The following PRKAR1B variants were observed in gnomAD, a reference collection of about 807,000 sequenced individuals.
The protein encoded by PRKAR1B is protein kinase cAMP-dependent type I regulatory subunit beta.
A neutral mutation model predicts 46.5 loss-of-function variants in PRKAR1B; 22 were observed. The ratio of observed to expected loss-of-function variants is 0.47; its 90% confidence interval spans 0.34 to 0.68. PRKAR1B has a LOEUF of 0.68. PRKAR1B is among the 30% of genes least tolerant of loss of function. The pLI, the probability that PRKAR1B is intolerant of heterozygous loss-of-function variation, is 0.01. For synonymous variants in PRKAR1B, 259 were observed against 217.7 expected (o/e 1.19, Z -1.67); for missense variants, 445 against 535.6 (o/e 0.83, Z 1.67).
intron 2 of PRKAR1B, among the ~76,000 whole-genome samples, chr7:693,328 A>G (rs1779544027): frequency 6.6e-6 from 1 of 151,608 alleles, no homozygotes. Context: ...CCACGTCGAC[A>G]CATTCACCGT....
chr7:588,192 T>C (rs943209599), intron 7 of PRKAR1B, among the ~76,000 whole-genome samples: 5 of 152,114 alleles, frequency 3.3e-5, no homozygotes, highest in Non-Finnish European at 2.9e-5. Flanking sequence ...CCAACTTCCA[T>C]GATGGGGACA....
At position 727,269 on chromosome 7, in the gene PRKAR1B, C is replaced by T; in HGVS notation, c.-82G>A. ...TGCTCGACCCCTTCGCCGCCGTGCG[C>T]CGCGAGAGCTGCAGCTGCGCCGCCG... On this transcript the variant is annotated 5_prime_UTR_variant, in exon 1 of 11. Coordinates refer to ENST00000537384, the MANE Select transcript of PRKAR1B (RefSeq NM_001164760.2). The T allele has an allele frequency of 3.8e-6, 5 of 1,325,804 alleles. No individual in the cohort carries two copies. The South Asian group carries it at 5.9e-5, about 16-fold the overall frequency. 82.1% of individuals were successfully genotyped at this position (1,325,804 alleles called of 1,614,324 possible).
chr7:673,585 C>T (rs935508063), intron 4 of PRKAR1B, among the ~76,000 whole-genome samples: 1 of 150,878 alleles, frequency 6.6e-6, no homozygotes, highest in Non-Finnish European at 1.5e-5. Flanking sequence ...TGAGGCAGAG[C>T]TTGCAGTGAG....
chr7:596,166 TGTCCCGGTCGATCCCCCAGAGCTTGAG>T lies in PRKAR1B; in HGVS notation c.661_687del (p.Leu221_Asp229del). The T allele has an allele frequency of 6.2e-7, 1 of 1,613,798 alleles. No individual in the cohort carries two copies. Among genetic ancestry groups the T allele is most frequent in the Non-Finnish European group, 8.5e-7 (1 of 1,179,832 alleles). ...CTCACCATAAGGATGCGCCGGTAGCTGTCCCGGTCGATCCCCCAGAGCTTGAGGTCCGTCTTGGCTTTCACGGTCGCA... is the reference window on the plus strand; with the variant it reads ...CTCACCATAAGGATGCGCCGGTAGCTGTCCGTCTTGGCTTTCACGGTCGCA... On this transcript the variant is annotated inframe_deletion, in exon 7 of 11. Coordinates refer to ENST00000537384, the MANE Select transcript of PRKAR1B (RefSeq NM_001164760.2).
chr7:579,121 C>T, intron 9 of PRKAR1B, 135 bp downstream of exon 9: 2 of 1,553,990 alleles, frequency 1.3e-6, no homozygotes, highest in Non-Finnish European at 1.7e-6. Flanking sequence ...CCCATGGAGG[C>T]CCCGGACGGG....
chr7:589,301 C>T (rs1484923448), intron 7 of PRKAR1B, among the ~76,000 whole-genome samples: 1 of 151,906 alleles, frequency 6.6e-6, no homozygotes, highest in Non-Finnish European at 1.5e-5. Context: ...GGTGCCATGT[C>T]CACCTTGGTC....
chr7:614,050 C>T (rs958616222), intron 4 of PRKAR1B, among the ~76,000 whole-genome samples: 9 of 152,200 alleles, frequency 5.9e-5, no homozygotes, highest in African/African-American at 1.9e-4. Context: ...GGGCGGGAGG[C>T]GTGGCGCCCA....
At chr7:718,255 TACACACACACACACACAC>T (rs35563369) in intron 1 of PRKAR1B, among the ~76,000 whole-genome samples, 5 of 139,992 alleles carry the variant, frequency 3.6e-5, no homozygotes, top group Admixed American at 7.3e-5. Flanking sequence ...GCTTTATAGA[TACACACACACACACACAC>T]ACACACACAC....
At chr7:553,629 CTTCAT>C (rs1231540034) in intron 9 of PRKAR1B, among the ~76,000 whole-genome samples, 5 of 152,214 alleles carry the variant, frequency 3.3e-5, no homozygotes, top group Non-Finnish European at 2.9e-5. Flanking sequence ...AGAACAAACA[CTTCAT>C]TTCAAGGTGG....
intron 1 of PRKAR1B, among the ~76,000 whole-genome samples, chr7:720,050 C>A (rs200660219): frequency 1.1e-5 from 1 of 93,178 alleles, no homozygotes; most frequent in Non-Finnish European, 2.1e-5. Context: ...CTGTGCAAGT[C>A]TTTTTTTTTT....
chr7:605,934 G>A (rs1286591096), intron 6 of PRKAR1B, among the ~76,000 whole-genome samples: 1 of 152,212 alleles, frequency 6.6e-6, no homozygotes, highest in Non-Finnish European at 1.5e-5. Flanking sequence ...CGCAGCCCGG[G>A]GGCAAGCGGA....
intron 9 of PRKAR1B, among the ~76,000 whole-genome samples, chr7:577,203 TTTGCCGAAG>T (rs538507122): frequency 2.2e-4 from 33 of 152,324 alleles, no homozygotes; most frequent in African/African-American, 7.7e-4. Flanking sequence ...GGCTCCCGAA[TTTGCCGAAG>T]TTGCCAAACA....
chr7:615,201 G>A (rs191387283), intron 4 of PRKAR1B, among the ~76,000 whole-genome samples: 5 of 152,182 alleles, frequency 3.3e-5, no homozygotes, highest in East Asian at 1.9e-4. Context: ...CAAGGCAGGC[G>A]GATCACAAGG....
At chr7:578,294 C>A (rs908880570) in intron 9 of PRKAR1B, among the ~76,000 whole-genome samples, 1 of 152,340 alleles carries the variant, frequency 6.6e-6, no homozygotes, top group Admixed American at 6.5e-5. Flanking sequence ...ACCCAACAGT[C>A]TGCGTGCGGC....
At chr7:577,344 C>T (rs552715011) in intron 9 of PRKAR1B, among the ~76,000 whole-genome samples, 32 of 152,298 alleles carry the variant, frequency 2.1e-4, no homozygotes, top group African/African-American at 5.3e-4. Context: ...GCGGGTGTTT[C>T]GGCGAGGACG....
At chr7:618,375 T>A (rs763080864) in intron 4 of PRKAR1B, among the ~76,000 whole-genome samples, 1 of 152,242 alleles carries the variant, frequency 6.6e-6, no homozygotes, top group African/African-American at 2.4e-5. Context: ...GTTTTGCCTA[T>A]ACATTTATTC....
intron 2 of PRKAR1B, among the ~76,000 whole-genome samples, chr7:688,257 T>G (rs1049214276): frequency 6.6e-6 from 1 of 151,570 alleles, no homozygotes; most frequent in Non-Finnish European, 1.5e-5. Context: ...ACAAAAAAAG[T>G]AGCTGGGCGT....
intron 4 of PRKAR1B, among the ~76,000 whole-genome samples, chr7:615,633 C>T (rs1432623390): frequency 1.6e-4 from 24 of 150,634 alleles, no homozygotes; most frequent in East Asian, 5.9e-4. Flanking sequence ...GTCAGGAGAT[C>T]GAGACCATTA....
chr7:715,748 T>C (rs1200175029), intron 1 of PRKAR1B, among the ~76,000 whole-genome samples: 16 of 151,886 alleles, frequency 1.1e-4, no homozygotes, highest in Admixed American at 2.6e-4. Context: ...CAGAGTCTCA[T>C]TCTGTCACCC....
Sources: gnomAD v4.1 joint callset for allele counts (sites outside exome capture counted in the v4.1 genomes callset) on GRCh38, gnomAD v4.1.1 for gene constraint, MANE v1.5 for transcripts, NCBI Gene and HGNC (gene_info 2026-07-23, HGNC 2026-07-21) for gene names.